Variants in ARHGAP8 observed in about 807,000 individuals in gnomAD.
ARHGAP8 encodes rho GTPase-activating protein 8.
ARHGAP8 carries 62 observed loss-of-function variants against 46.1 expected under a neutral mutation model. The ratio of observed to expected loss-of-function variants is 1.34; its 90% CI spans 1.10 to 1.66. The LOEUF (loss-of-function observed/expected upper bound fraction) is 1.66. ARHGAP8 is among the 40% of genes most tolerant of loss of function. ARHGAP8 has a pLI of 0.00. For missense variants in ARHGAP8, 923 were observed against 568.4 expected (o/e 1.62, Z -6.34); for synonymous variants, 375 against 243.1 (o/e 1.54, Z -5.05).
At chr22:44,828,220 A>G (rs1482003781) in intron 7 of ARHGAP8, among the ~76,000 whole-genome samples, 1 of 152,224 alleles carries the variant, frequency 6.6e-6, no homozygotes, top group Non-Finnish European at 1.5e-5. Context: ...TATCTGGAAC[A>G]CACATTTTAC....
chr22:44,862,337 G>C lies in ARHGAP8; in HGVS notation c.1044G>C (p.Leu348=). The C allele has an allele frequency of 6.2e-7, 1 of 1,614,022 alleles. No homozygotes were observed. The highest frequency in any genetic ancestry group is 1.1e-5 in the South Asian group (1 of 91,050). The change falls in exon 12 of 12, where the codon CTG becomes CTC. Residue 348 remains leucine (L), a synonymous_variant. Coordinates refer to ENST00000356099, the MANE Select transcript of ARHGAP8 (RefSeq NM_181335.3). The part of the protein sequence containing the change: ...NSSNLACVFG[L]NLIWPSQGVS... ...CTAACCTGGCCTGTGTCTTCGGGCT[G>C]AATTTGATCTGGCCATCCCAGGGGG...
intron 4 of ARHGAP8, among the ~76,000 whole-genome samples, chr22:44,812,963 C>T (rs749534289): frequency 2.6e-5 from 4 of 152,052 alleles, no homozygotes; most frequent in African/African-American, 4.8e-5. Context: ...ATGTGGGTGC[C>T]GTTTTAAGGA....
At chr22:44,825,404 G>T in intron 6 of ARHGAP8, 79 bp from the exon 7 acceptor site, 4 of 1,491,088 alleles carry the variant, frequency 2.7e-6, no homozygotes, top group Non-Finnish European at 3.6e-6. Context: ...TGCAGGTGGG[G>T]CATCCAGCCC....
At chr22:44,803,776 C>T (rs140811558) in intron 3 of ARHGAP8, among the ~76,000 whole-genome samples, 1 of 142,146 alleles carries the variant, frequency 7.0e-6, no homozygotes, top group Admixed American at 7.1e-5. Context: ...CATGCACACA[C>T]CCCCTCCCAG....
At position 44,862,401 on chromosome 22, in the gene ARHGAP8, A is replaced by T; in HGVS notation, c.1108A>T (p.Thr370Ser). 3 of 1,614,132 alleles carry T rather than the reference A, an allele frequency of 1.9e-6. No individual in the cohort carries two copies. In the African/African-American group the frequency reaches 4.0e-5, roughly 22 times the overall value. The change falls in exon 12 of 12, where the codon ACT becomes TCT. Residue 370 changes from threonine (T) to serine (S), a missense_variant. Thr to Ser is a moderately conservative substitution (Grantham distance 58). Coordinates refer to ENST00000356099, the MANE Select transcript of ARHGAP8 (RefSeq NM_181335.3). The stretch of plus-strand genomic sequence containing the variant: ...TGCCCTTGTGCCCCTGAACATGTTC[A>T]CTGAACTGCTGATCGAGTACTATGA... ...LSALVPLNMF[T>S]ELLIEYYEKI... is the part of the protein sequence containing the mutation.
chr22:44,827,600 C>A (rs953011130), intron 7 of ARHGAP8, among the ~76,000 whole-genome samples: 1 of 152,086 alleles, frequency 6.6e-6, no homozygotes, highest in Non-Finnish European at 1.5e-5. Context: ...GCCTCGGCCT[C>A]CCAAAGTGCT....
chr22:44,768,240 C>A lies in ARHGAP8; in HGVS notation c.-72+15613C>A, dbSNP rs191957799. ...TCGAACTCCTGACCTCGTGATCCACCCGCCTCAGCCTCCCAAAGTGCTGGG... is the reference window on the plus strand; with the variant it reads ...TCGAACTCCTGACCTCGTGATCCACACGCCTCAGCCTCCCAAAGTGCTGGG... On this transcript the variant is annotated intron_variant, in intron 1 of 11. Transcript: ENST00000356099. Among the ~76,000 whole-genome samples, 277 of 151,934 alleles carry A rather than the reference C, an allele frequency of 1.8e-3. 2 individuals carry two copies. The highest frequency in any genetic ancestry group is 6.5e-3 in the African/African-American group (269 of 41,456).
chr22:44,813,773 CTACA>C, intron 4 of ARHGAP8, among the ~76,000 whole-genome samples: 1 of 132,388 alleles, frequency 7.6e-6, no homozygotes, highest in Admixed American at 8.2e-5. Context: ...ACACTTACAC[CTACA>C]TACACCTACA....
At chr22:44,831,026 T>C (rs181346597) in intron 7 of ARHGAP8, among the ~76,000 whole-genome samples, 167 of 152,344 alleles carry the variant, frequency 1.1e-3, no homozygotes, top group African/African-American at 3.9e-3. Flanking sequence ...GGACCGTCTT[T>C]TCATTGTTGT....
At chr22:44,859,954 G>A (rs1452210743) in intron 11 of ARHGAP8, 120 bp downstream of exon 11, 2 of 1,176,928 alleles carry the variant, frequency 1.7e-6, no homozygotes, top group Admixed American at 2.5e-5. Flanking sequence ...TTGGGCCTCG[G>A]AATACCACTC....
At chr22:44,823,021 A>T (rs540648092) in intron 6 of ARHGAP8, among the ~76,000 whole-genome samples, 1 of 152,352 alleles carries the variant, frequency 6.6e-6, no homozygotes, top group East Asian at 1.9e-4. Context: ...CTGGACCCCC[A>T]GCCTGGGTTC....
chr22:44,815,532 C>T (rs950712185), intron 5 of ARHGAP8, among the ~76,000 whole-genome samples: 7 of 152,134 alleles, frequency 4.6e-5, no homozygotes, highest in African/African-American at 9.7e-5. Flanking sequence ...GAGCAGGTCA[C>T]CCATGGCCAG....
intron 5 of ARHGAP8, among the ~76,000 whole-genome samples, chr22:44,816,803 C>G (rs1250213248): frequency 1.5e-5 from 1 of 66,240 alleles, no homozygotes; most frequent in Non-Finnish European, 3.0e-5. Flanking sequence ...GACCCTGTCT[C>G]AAAAAAAAAA....
intron 6 of ARHGAP8, among the ~76,000 whole-genome samples, chr22:44,825,083 T>C (rs1016478912): frequency 1.3e-5 from 2 of 151,302 alleles, no homozygotes; most frequent in Non-Finnish European, 2.9e-5. Context: ...TTCCAGGCAC[T>C]GGGGATAAAG....
chr22:44,849,291 A>G lies in ARHGAP8; in HGVS notation c.877+231A>G, dbSNP rs1388991893. The G allele has an allele frequency of 8.5e-6, 6 of 709,242 alleles. 1 individual carries two copies. Among genetic ancestry groups the G allele is most frequent in the Non-Finnish European group, 8.8e-6 (4 of 456,188 alleles). The allele number at this position is 709,242 out of a possible 1,614,324, so 43.9% of individuals were successfully genotyped here. A position where few individuals can be genotyped will look rare whatever the true frequency, so the allele number is the denominator to read the frequency against. On this transcript the variant is annotated intron_variant, in intron 10 of 11. Transcript: ENST00000356099. The stretch of plus-strand genomic sequence containing the variant: ...GAGGTGGGGTCGGTCAGGGTTGTCC[A>G]GGCCGGTCTCTCAGGCACAGCTGGG...
At chr22:44,775,714 T>G (rs1461640282) in intron 1 of ARHGAP8, among the ~76,000 whole-genome samples, 1 of 152,144 alleles carries the variant, frequency 6.6e-6, no homozygotes, top group Non-Finnish European at 1.5e-5. Context: ...CCTCCCAAAG[T>G]GCTAAGATTA....
At chr22:44,810,788 G>C (rs923447019) in intron 4 of ARHGAP8, among the ~76,000 whole-genome samples, 1 of 152,158 alleles carries the variant, frequency 6.6e-6, no homozygotes, top group Non-Finnish European at 1.5e-5. Context: ...CTGGTCTGTA[G>C]GGTTCCCGTG....
chr22:44,815,596 C>G (rs1237185565), intron 5 of ARHGAP8, among the ~76,000 whole-genome samples: 1 of 152,012 alleles, frequency 6.6e-6, no homozygotes. Flanking sequence ...TGAGTTAAGC[C>G]TTGATTGCAT....
chr22:44,820,861 G>T (rs1175785282), intron 5 of ARHGAP8, among the ~76,000 whole-genome samples: 3 of 152,016 alleles, frequency 2.0e-5, no homozygotes, highest in African/African-American at 7.3e-5. Context: ...TGGCGCTGGT[G>T]CTGGCGCTGG....
Sources: gnomAD v4.1 joint callset for allele counts (sites outside exome capture counted in the v4.1 genomes callset) on GRCh38, gnomAD v4.1.1 for gene constraint, MANE v1.5 for transcripts, NCBI Gene and HGNC (gene_info 2026-07-23, HGNC 2026-07-21) for gene names.